Variants in FBN1 observed in about 807,000 individuals in gnomAD.
The protein encoded by FBN1 is fibrillin-1.
FBN1 carries 29 observed loss-of-function variants against 365.1 expected under a neutral mutation model. The ratio of observed to expected loss-of-function variants is 0.08; its 90% confidence interval spans 0.06 to 0.11. The LOEUF (loss-of-function observed/expected upper bound fraction) is 0.11. Ranked by LOEUF, FBN1 falls within the 10% of genes least tolerant of loss-of-function variation. The pLI, the probability that FBN1 is intolerant of heterozygous loss-of-function variation, is 1.00. For synonymous variants in FBN1, 1,210 were observed against 1,270.5 expected, an observed-to-expected ratio of 0.95 and a Z score of 1.01; for missense variants, 2,476 against 3,703.2, an observed-to-expected ratio of 0.67 and a Z score of 8.60.
At chr15:48,605,869 C>T (rs1301353501) in intron 4 of FBN1, among the ~76,000 whole-genome samples, 1 of 151,740 alleles carries the variant, frequency 6.6e-6, no homozygotes, top group East Asian at 1.9e-4. Context: ...AGTAAGACCC[C>T]GTCTAAAAAA....
intron 25 of FBN1, 77 bp downstream of exon 25, chr15:48,489,774 G>T: frequency 9.3e-7 from 1 of 1,076,656 alleles, no homozygotes; most frequent in Non-Finnish European, 1.4e-6. Context: ...TGATCAAGTA[G>T]AGTGCTGAGA....
chr15:48,435,363 G>A (rs1389848027), intron 53 of FBN1, among the ~76,000 whole-genome samples: 3 of 151,176 alleles, frequency 2.0e-5, no homozygotes, highest in Non-Finnish European at 1.5e-5. Context: ...AAAAGTTTCT[G>A]CTTGTTTAAA....
chr15:48,478,956 A>G (rs10519178), intron 32 of FBN1, among the ~76,000 whole-genome samples: 5,316 of 152,310 alleles, frequency 0.035, 406 homozygotes, highest in East Asian at 0.32. Context: ...TCATGAAGCA[A>G]AATTTCTCCT....
rs201524631 is a variant in FBN1 at position 48,505,193 on chromosome 15, T to C, written c.1838-46A>G. 7.4e-6 allele frequency: 12 copies of C among 1,611,492 alleles called. No homozygotes were observed. In the East Asian group the frequency reaches 2.7e-4, roughly 36 times the overall value. ...TATTAAAAATGAAGTGACATTTATC[T>C]AAAATTATAACATGTTGACAATTAT... On this transcript the variant is annotated intron_variant, in intron 15 of 65. Coordinates refer to ENST00000316623, the MANE Select transcript of FBN1 (RefSeq NM_000138.5).
At chr15:48,557,796 C>G (rs537032434) in intron 6 of FBN1, among the ~76,000 whole-genome samples, 1 of 152,272 alleles carries the variant, frequency 6.6e-6, no homozygotes, top group African/African-American at 2.4e-5. Context: ...CCCTAAGACA[C>G]TGGCTATCAG....
intron 30 of FBN1, among the ~76,000 whole-genome samples, chr15:48,484,721 A>C (rs960055097): frequency 6.6e-6 from 1 of 152,168 alleles, no homozygotes; most frequent in African/African-American, 2.4e-5. Context: ...TTTTTAAGGG[A>C]CATTTTTCTA....
Position 48,486,009 on chromosome 15 carries a change from A to G in FBN1, c.3590-513T>C, listed in dbSNP as rs559510572. Among the ~76,000 whole-genome samples, 20 of 152,344 alleles carry G rather than the reference A, an allele frequency of 1.3e-4. No homozygotes were observed. The South Asian group carries it at 2.7e-3, about 21-fold the overall frequency. On this transcript the variant is annotated intron_variant, in intron 29 of 65. Transcript: ENST00000316623. ...GTTAATGACATACCTACTATATGCT[A>G]GAGATGAGACTCTAATAGTGAATGG...
Position 48,481,674 on chromosome 15 carries a change from T to A in FBN1, c.3945A>T (p.Lys1315Asn). Residue 1315 changes from lysine (K) to asparagine (N), a missense_variant, in exon 32 of 66, where the codon AAA becomes AAT. By Grantham distance (94) the Lys-to-Asn change is moderately conservative. Transcript: ENST00000316623. ...CHCDMGYSGK[K>N]GKTGCTDINE... Reference sequence around the variant, plus strand: ...ACACACCTGTACAGCCAGTTTTTCCTTTTTTGCCGGAGTAGCCCATATCAC... The same window carrying A: ...ACACACCTGTACAGCCAGTTTTTCCATTTTTGCCGGAGTAGCCCATATCAC... 1 of 1,613,654 alleles carries A rather than the reference T, an allele frequency of 6.2e-7. No individual in the cohort carries two copies. The highest frequency in any genetic ancestry group is 8.5e-7 in the Non-Finnish European group (1 of 1,179,632).
chr15:48,414,001 G>T (rs529413129), intron 64 of FBN1, among the ~76,000 whole-genome samples: 3 of 152,164 alleles, frequency 2.0e-5, no homozygotes, highest in African/African-American at 7.2e-5. Flanking sequence ...GTGCGCATGC[G>T]TATACATTCA....
At chr15:48,522,352 T>C (rs971539493) in intron 9 of FBN1, among the ~76,000 whole-genome samples, 9 of 152,160 alleles carry the variant, frequency 5.9e-5, no homozygotes, top group Admixed American at 6.5e-5. Flanking sequence ...ATACACTTTA[T>C]TGTGTATAAT....
intron 42 of FBN1, 116 bp downstream of exon 42, chr15:48,462,966 T>C (rs1158625585): frequency 1.7e-5 from 18 of 1,050,116 alleles, no homozygotes; most frequent in East Asian, 9.5e-5. Flanking sequence ...AGCCGTTTTT[T>C]TCCCTGTAAA....
At chr15:48,572,956 T>C (rs1435157891) in intron 6 of FBN1, among the ~76,000 whole-genome samples, 4 of 152,228 alleles carry the variant, frequency 2.6e-5, no homozygotes, top group South Asian at 2.1e-4. Flanking sequence ...AGTAGACTAG[T>C]TGCGAACATC....
intron 6 of FBN1, among the ~76,000 whole-genome samples, chr15:48,564,719 A>G (rs2044247343): frequency 6.6e-6 from 1 of 152,208 alleles, no homozygotes; most frequent in South Asian, 2.1e-4. Context: ...GAAAGGTCCC[A>G]ACAGAAACTT....
At chr15:48,588,855 G>A (rs1457743776) in intron 6 of FBN1, among the ~76,000 whole-genome samples, 2 of 152,158 alleles carry the variant, frequency 1.3e-5, no homozygotes, top group Non-Finnish European at 2.9e-5. Context: ...GAGGCTTCAG[G>A]GAGACTCCTC....
At chr15:48,610,704 T>C (rs1205236444) in intron 4 of FBN1, 24 bp downstream of exon 4, 5 of 1,537,074 alleles carry the variant, frequency 3.3e-6, no homozygotes, top group South Asian at 2.2e-5. Context: ...AATAATATTA[T>C]ATATAATGAC....
At chr15:48,611,569 T>C (rs2044656429) in intron 3 of FBN1, among the ~76,000 whole-genome samples, 1 of 152,180 alleles carries the variant, frequency 6.6e-6, no homozygotes, top group South Asian at 2.1e-4. Context: ...CTATTGTAAA[T>C]GTTTAATGTT....
chr15:48,429,321 A>G (rs2043007764), intron 56 of FBN1, among the ~76,000 whole-genome samples: 1 of 152,208 alleles, frequency 6.6e-6, no homozygotes, highest in Admixed American at 6.5e-5. Context: ...TATCTCCAAT[A>G]TAGGTTGCAT....
chr15:48,567,030 G>A (rs975687603), intron 6 of FBN1, among the ~76,000 whole-genome samples: 11 of 152,168 alleles, frequency 7.2e-5, no homozygotes, highest in East Asian at 3.9e-4. Context: ...CTGCCAAATC[G>A]GAATCTGCTC....
chr15:48,428,417 T>TTGA lies in FBN1; in HGVS notation c.6923_6925dup (p.Leu2308_Asn2309insIle). Reference sequence around the variant, plus strand: ...CTCACAGGTGTAGCTCCCACGGGTGTTGAGGCAGCGCCCATTCTCACAGAT... The same window carrying TTGA: ...CTCACAGGTGTAGCTCCCACGGGTGTTGATGAGGCAGCGCCCATTCTCACAGAT... On this transcript the variant is annotated inframe_insertion, in exon 57 of 66. Coordinates refer to ENST00000316623, the MANE Select transcript of FBN1 (RefSeq NM_000138.5). 1 of 1,614,050 alleles carries TTGA rather than the reference T, an allele frequency of 6.2e-7. No individual in the cohort carries two copies. The highest frequency in any genetic ancestry group is 8.5e-7 in the Non-Finnish European group (1 of 1,179,968).
Sources: gnomAD v4.1 joint callset for allele counts (sites outside exome capture counted in the v4.1 genomes callset) on GRCh38, gnomAD v4.1.1 for gene constraint, MANE v1.5 for transcripts, NCBI Gene and HGNC (gene_info 2026-07-23, HGNC 2026-07-21) for gene names.